Variants in S100PBP observed in about 807,000 individuals in gnomAD.
S100PBP encodes the protein S100P-binding protein.
Under a neutral mutation model 39.9 loss-of-function variants are expected in S100PBP, and 15 were observed. That is an observed-to-expected ratio of 0.38 (90% CI 0.25 to 0.58). S100PBP has a LOEUF of 0.58. Among genes scored for constraint, S100PBP ranks in the 20% least tolerant of loss-of-function variants. The pLI is 0.70. For missense variants in S100PBP, 504 were observed against 487.3 expected, an observed-to-expected ratio of 1.03 and a Z score of -0.32; for synonymous variants, 178 against 180.3, an observed-to-expected ratio of 0.99 and a Z score of 0.10.
At chr1:32,840,823 T>C (rs538953985) in intron 5 of S100PBP, among the ~76,000 whole-genome samples, 1 of 152,158 alleles carries the variant, frequency 6.6e-6, no homozygotes, top group South Asian at 2.1e-4. Context: ...ATTTGCCACC[T>C]GTATATCTTC....
In S100PBP at chr1:32,826,519, A is replaced by G. The variant is rs201412635; in HGVS notation, c.420A>G (p.Glu140=). ...TKPLNRRSVL[E]KNLIKVTVAP... ...CATTAAACAGACGCTCTGTACTAGA[A>G]AAGAATCTTATAAAAGTAACTGTTG... The change falls in exon 3 of 7, where the codon GAA becomes GAG. Residue 140 remains glutamate (E), a synonymous_variant. Transcript: ENST00000373475. 2.5e-6 allele frequency: 4 copies of G among 1,614,120 alleles called. No individual in the cohort carries two copies. The East Asian group carries it at 8.9e-5, about 36-fold the overall frequency.
At chr1:32,834,554 TCCTACACTATAC>T (rs1639735169) in intron 5 of S100PBP, among the ~76,000 whole-genome samples, 1 of 152,166 alleles carries the variant, frequency 6.6e-6, no homozygotes, top group Admixed American at 6.5e-5. Flanking sequence ...TGTGTATTCA[TCCTACACTATAC>T]CCTACACTAT....
rs764962960 is a variant in S100PBP, at chr1:32,826,278, C to T, written c.179C>T (p.Ala60Val). 6.2e-7 allele frequency: 1 copy of T among 1,614,056 alleles called. No individual in the cohort carries two copies. Among genetic ancestry groups the T allele is most frequent in the East Asian group, 2.2e-5 (1 of 44,874 alleles). The change falls in exon 3 of 7, where the codon GCA becomes GTA. Residue 60 changes from alanine (A) to valine (V), a missense_variant. By Grantham distance (64) the Ala-to-Val change is moderately conservative. Transcript: ENST00000373475. ...AATTACACAGAGGAAGAGATTGATGCACTGTTGAAGGAAGATGACCCATCA... is the reference window on the plus strand; with the variant it reads ...AATTACACAGAGGAAGAGATTGATGTACTGTTGAAGGAAGATGACCCATCA... ...DVNYTEEEIDALLKEDDPSYE... is the reference protein window; with the variant it reads ...DVNYTEEEIDVLLKEDDPSYE...
At chr1:32,831,521 T>G (rs1440447139) in intron 5 of S100PBP, among the ~76,000 whole-genome samples, 1 of 152,178 alleles carries the variant, frequency 6.6e-6, no homozygotes, top group Non-Finnish European at 1.5e-5. Flanking sequence ...TTTTCTTGTT[T>G]GTTTTATAAG....
intron 6 of S100PBP, among the ~76,000 whole-genome samples, chr1:32,855,536 T>C (rs923915205): frequency 6.6e-6 from 1 of 152,228 alleles, no homozygotes; most frequent in Non-Finnish European, 1.5e-5. Flanking sequence ...GAGGTCCTTT[T>C]GGAGGTACAG....
intron 5 of S100PBP, among the ~76,000 whole-genome samples, chr1:32,842,489 C>T (rs1006738796): frequency 6.6e-6 from 1 of 151,798 alleles, no homozygotes; most frequent in Non-Finnish European, 1.5e-5. Flanking sequence ...CTTTGCATTT[C>T]CATATAAATT....
chr1:32,840,649 G>A lies in S100PBP; in HGVS notation c.1024+10582G>A, dbSNP rs565481960. On this transcript the variant is annotated intron_variant, in intron 5 of 6. Transcript: ENST00000373475. ...TGGGATTACAGGTGTGAGCCACCAC[G>A]CCCGACCTATTTTCTATTTTTCAAT... Among the ~76,000 whole-genome samples, 4 of 152,020 alleles carry A rather than the reference G, an allele frequency of 2.6e-5. No homozygotes were observed. In the South Asian group the frequency reaches 8.3e-4, roughly 32 times the overall value.
intron 5 of S100PBP, among the ~76,000 whole-genome samples, chr1:32,831,506 GTAGT>G (rs1639597620): frequency 6.6e-6 from 1 of 152,062 alleles, no homozygotes; most frequent in African/African-American, 2.4e-5. Flanking sequence ...GAATTATGTA[GTAGT>G]TTTTCTTGTT....
chr1:32,822,202 G>A (rs1009671670), intron 1 of S100PBP, among the ~76,000 whole-genome samples: 5 of 152,206 alleles, frequency 3.3e-5, no homozygotes, highest in African/African-American at 1.2e-4. Flanking sequence ...AGTGGATGGG[G>A]CAAGATTAGC....
chr1:32,834,091 T>G, intron 5 of S100PBP: 1 of 276,316 alleles, frequency 3.6e-6, no homozygotes. Flanking sequence ...AAAAAACTGT[T>G]ACATGTTACC....
At position 32,827,372 on chromosome 1, in the gene S100PBP, A is replaced by C. The variant is rs138400566; in HGVS notation, c.831+442A>C. On this transcript the variant is annotated intron_variant, in intron 3 of 6. Coordinates refer to ENST00000373475, the MANE Select transcript of S100PBP (RefSeq NM_022753.4). The stretch of plus-strand genomic sequence containing the variant: ...GCCATGCTATATATTAAGATACAGC[A>C]CTAGCTCTGAATCAGCCATGAAAGA... Among the ~76,000 whole-genome samples, 6 of 152,324 alleles carry C rather than the reference A, an allele frequency of 3.9e-5. No homozygotes were observed. In the East Asian group the frequency reaches 1.2e-3, roughly 29 times the overall value.
At chr1:32,829,734 C>T (rs918243340) in intron 4 of S100PBP, among the ~76,000 whole-genome samples, 4 of 152,326 alleles carry the variant, frequency 2.6e-5, no homozygotes, top group Admixed American at 2.0e-4. Context: ...GCTGGGATTA[C>T]AGGTGTGAGC....
intron 5 of S100PBP, among the ~76,000 whole-genome samples, chr1:32,841,021 C>T (rs932416976): frequency 2.0e-5 from 3 of 151,810 alleles, no homozygotes; most frequent in Non-Finnish European, 4.4e-5. Context: ...AGTAGCTGGG[C>T]ATGGTGGCGG....
intron 1 of S100PBP, among the ~76,000 whole-genome samples, chr1:32,824,722 G>A (rs910502703): frequency 1.3e-5 from 2 of 150,730 alleles, no homozygotes; most frequent in African/African-American, 2.4e-5. Flanking sequence ...GCCACCATGC[G>A]CCGCTGATTT....
intron 5 of S100PBP, among the ~76,000 whole-genome samples, chr1:32,832,290 T>A (rs78199284): frequency 6.9e-6 from 1 of 145,686 alleles, no homozygotes; most frequent in Admixed American, 6.9e-5. Flanking sequence ...TTTTTTTTTT[T>A]AGGTAAAATA....
At chr1:32,830,920 GAA>G (rs752482491) in intron 5 of S100PBP, among the ~76,000 whole-genome samples, 1 of 149,228 alleles carries the variant, frequency 6.7e-6, no homozygotes, top group African/African-American at 2.5e-5. Context: ...ATTCTTTTGG[GAA>G]AAAAAAAATT....
intron 5 of S100PBP, among the ~76,000 whole-genome samples, chr1:32,842,236 TACACACACAC>T (rs1553132298): frequency 8.8e-4 from 71 of 80,846 alleles, no homozygotes; most frequent in African/African-American, 1.5e-3. Context: ...TATATATATA[TACACACACAC>T]ACACACACAC....
chr1:32,817,175 C>T (rs1401031007), upstream of S100PBP: 2 of 1,614,042 alleles, frequency 1.2e-6, no homozygotes, highest in South Asian at 1.1e-5. Context: ...CATTTCCAAC[C>T]CCCAGGCCTG....
intron 5 of S100PBP, among the ~76,000 whole-genome samples, chr1:32,831,216 C>T (rs1374386987): frequency 6.6e-6 from 1 of 151,700 alleles, no homozygotes; most frequent in Non-Finnish European, 1.5e-5. Context: ...GGGTCTTGGC[C>T]CTCTGGGAAT....
Sources: gnomAD v4.1 joint callset for allele counts (sites outside exome capture counted in the v4.1 genomes callset) on GRCh38, gnomAD v4.1.1 for gene constraint, MANE v1.5 for transcripts, NCBI Gene and HGNC (gene_info 2026-07-23, HGNC 2026-07-21) for gene names.